PTPRM: variants seen among roughly 807,000 people sequenced by gnomAD.
The protein encoded by PTPRM is protein tyrosine phosphatase receptor type M.
In PTPRM, 47 loss-of-function variants were observed where a neutral mutation model predicts 186.7. The observed-to-expected ratio is 0.25, with a 90% CI of 0.20 to 0.32. The LOEUF (loss-of-function observed/expected upper bound fraction) is 0.32, where lower values mean the gene tolerates loss of function less well. PTPRM is among the 10% of genes least tolerant of loss of function. The probability of loss-of-function intolerance (pLI) is 1.00; values close to 1 mark genes in which losing one functional copy is unlikely to be tolerated. For synonymous variants in PTPRM, 668 were observed against 674.9 expected, an observed-to-expected ratio of 0.99 and a Z score of 0.16; for missense variants, 1,494 against 1,865.0, an observed-to-expected ratio of 0.80 and a Z score of 3.66.
chr18:8,172,474 C>T (rs2093417062), intron 14 of PTPRM, among the ~76,000 whole-genome samples: 1 of 151,984 alleles, frequency 6.6e-6, no homozygotes, highest in African/African-American at 2.4e-5. Context: ...GAACCTGTCT[C>T]AGAATCATCC....
Position 8,069,806 on chromosome 18 carries a change from A to G in PTPRM, c.1253A>G (p.His418Arg). The change falls in exon 8 of 33, where the codon CAC (histidine) becomes CGC (arginine). Residue 418 changes from histidine to arginine, a missense_variant. His to Arg is a conservative substitution (Grantham distance 29). Around this residue, in one of 3 missense-constraint regions of PTPRM, gnomAD observed 1,107 missense variants for 1,350.2 expected, o/e 0.82. Transcript: ENST00000580170. Reference sequence around the variant, plus strand: ...TGCCACAGTTATAATCTCACTGTCCACTACTGTTACCAAGTTGGAGGACAA... The same window carrying G: ...TGCCACAGTTATAATCTCACTGTCCGCTACTGTTACCAAGTTGGAGGACAA... ...TRCHSYNLTVHYCYQVGGQEQ... is the reference protein window; with the variant it reads ...TRCHSYNLTVRYCYQVGGQEQ... The G allele has an allele frequency of 1.2e-6, 2 of 1,614,102 alleles. No individual in the cohort carries two copies.
intron 31 of PTPRM, among the ~76,000 whole-genome samples, chr18:8,391,054 C>G (rs2095809227): frequency 6.6e-6 from 1 of 152,126 alleles, no homozygotes; most frequent in African/African-American, 2.4e-5. Flanking sequence ...ACCAGGATCA[C>G]ATGCCACTGT....
chr18:7,711,159 C>T (rs555635191), intron 1 of PTPRM, among the ~76,000 whole-genome samples: 22 of 152,190 alleles, frequency 1.4e-4, no homozygotes, highest in African/African-American at 5.3e-4. Context: ...ACTGGTTAGA[C>T]AGTGGGTGCA....
At chr18:7,936,695 A>G (rs1308809272) in intron 5 of PTPRM, among the ~76,000 whole-genome samples, 2 of 152,172 alleles carry the variant, frequency 1.3e-5, no homozygotes, top group Non-Finnish European at 2.9e-5. Flanking sequence ...AAGCCAAGGA[A>G]GGCCTGAAGC....
chr18:7,771,737 A>C (rs2042278214), intron 1 of PTPRM, among the ~76,000 whole-genome samples: 1 of 152,338 alleles, frequency 6.6e-6, no homozygotes, highest in Middle Eastern at 3.4e-3. Flanking sequence ...TATCCTGTTT[A>C]ACATTGTTTA....
chr18:7,577,291 T>C (rs1400183575), intron 1 of PTPRM, among the ~76,000 whole-genome samples: 8 of 152,198 alleles, frequency 5.3e-5, no homozygotes, highest in Admixed American at 5.2e-4. Flanking sequence ...AATAAAAATG[T>C]ATAAATCAGT....
intron 7 of PTPRM, among the ~76,000 whole-genome samples, chr18:8,014,144 G>T (rs1249555242): frequency 2.0e-5 from 3 of 151,942 alleles, no homozygotes; most frequent in Non-Finnish European, 4.4e-5. Flanking sequence ...CAGGAAATTA[G>T]GTAACTTTTT....
At chr18:8,049,108 A>T (rs1176390842) in intron 7 of PTPRM, among the ~76,000 whole-genome samples, 1 of 152,208 alleles carries the variant, frequency 6.6e-6, no homozygotes, top group African/African-American at 2.4e-5. Context: ...AATATCAAGG[A>T]AGTCTTTCAC....
intron 14 of PTPRM, among the ~76,000 whole-genome samples, chr18:8,181,065 A>G (rs1239368530): frequency 6.6e-6 from 1 of 152,212 alleles, no homozygotes; most frequent in South Asian, 2.1e-4. Flanking sequence ...GAAAGGACTC[A>G]AGTATGGAGG....
chr18:8,379,249 G>A lies in PTPRM; in HGVS notation c.3695G>A (p.Cys1232Tyr), dbSNP rs1209789947. Residue 1232 changes from cysteine to tyrosine, a missense_variant, in exon 28 of 33, where the codon TGC becomes TAC. Cys to Tyr is a radical substitution (Grantham distance 194). Coordinates refer to ENST00000580170, the MANE Select transcript of PTPRM (RefSeq NM_001105244.2). ...LLPRNHEKNR[C>Y]MDILPPDRCL... ...CCCCGGAACCATGAGAAAAACCGGT[G>A]CATGGACATCCTGCCCCCAGACCGC... is the stretch of plus-strand genomic sequence containing the variant. The A allele has an allele frequency of 2.5e-6, 4 of 1,614,120 alleles. No homozygotes were observed. The South Asian group carries it at 4.4e-5, about 18-fold the overall frequency.
chr18:8,063,173 T>C (rs868251622), intron 7 of PTPRM, among the ~76,000 whole-genome samples: 1 of 151,490 alleles, frequency 6.6e-6, no homozygotes, highest in Non-Finnish European at 1.5e-5. Context: ...CGCCGTTTTT[T>C]AAGCCGGTCT....
chr18:7,740,940 G>A (rs2040872582), intron 1 of PTPRM, among the ~76,000 whole-genome samples: 1 of 152,180 alleles, frequency 6.6e-6, no homozygotes. Flanking sequence ...ATACATAGCT[G>A]AAGCAGGGAG....
At chr18:8,311,162 A>G (rs1348591905) in intron 20 of PTPRM, among the ~76,000 whole-genome samples, 1 of 152,158 alleles carries the variant, frequency 6.6e-6, no homozygotes, top group Non-Finnish European at 1.5e-5. Flanking sequence ...TATAAAAATT[A>G]GCCAGGCGTG....
At chr18:8,098,842 A>G (rs774092135) in intron 11 of PTPRM, among the ~76,000 whole-genome samples, 19 of 151,898 alleles carry the variant, frequency 1.3e-4, no homozygotes, top group African/African-American at 4.6e-4. Context: ...CAGGTCTCCA[A>G]TCCCCATTCA....
intron 30 of PTPRM, among the ~76,000 whole-genome samples, chr18:8,386,341 G>T (rs981391450): frequency 6.6e-6 from 1 of 152,112 alleles, no homozygotes; most frequent in Non-Finnish European, 1.5e-5. Context: ...GAGCCTGGGG[G>T]CTTCTGTCAG....
chr18:7,946,913 G>A (rs1158036903), intron 5 of PTPRM: 6 of 456,042 alleles, frequency 1.3e-5, no homozygotes, highest in Non-Finnish European at 2.6e-5. Context: ...GAAGGGCTGA[G>A]CATGCCTAGC....
At chr18:7,656,394 G>A (rs1214872887) in intron 1 of PTPRM, among the ~76,000 whole-genome samples, 1 of 152,158 alleles carries the variant, frequency 6.6e-6, no homozygotes, top group Non-Finnish European at 1.5e-5. Context: ...AAGTAGAATT[G>A]TGGTTCCCCG....
rs2051190223 is a variant in PTPRM at position 7,926,688 on chromosome 18, A to G, written c.663+5A>G. On this transcript the variant is annotated splice_donor_5th_base_variant and intron_variant, in intron 5 of 32. Coordinates refer to ENST00000580170, the MANE Select transcript of PTPRM (RefSeq NM_001105244.2). Reference sequence around the variant, plus strand: ...GGAGACAGGCTCTGGTTACAGGTACAGTAACTCATTTTCATCAGTTGATGA... The same window carrying G: ...GGAGACAGGCTCTGGTTACAGGTACGGTAACTCATTTTCATCAGTTGATGA... 6.2e-7 allele frequency: 1 copy of G among 1,604,100 alleles called. No homozygotes were observed. Among genetic ancestry groups the G allele is most frequent in the Non-Finnish European group, 8.5e-7 (1 of 1,174,806 alleles).
At chr18:7,621,927 T>A (rs1338850220) in intron 1 of PTPRM, among the ~76,000 whole-genome samples, 11 of 152,210 alleles carry the variant, frequency 7.2e-5, no homozygotes, top group Non-Finnish European at 1.2e-4. Context: ...GCCATAAACA[T>A]CCATGTACAG....
Sources: allele counts gnomAD v4.1 joint callset (sites outside exome capture counted in the v4.1 genomes callset), GRCh38; gene constraint gnomAD v4.1.1; regional missense constraint gnomAD v4.1.1; transcripts MANE v1.5; gene names NCBI Gene and HGNC (gene_info 2026-07-23, HGNC 2026-07-21).